Variants in PUS7 observed in about 807,000 individuals in gnomAD.
PUS7 encodes the protein pseudouridylate synthase 7 homolog.
PUS7 carries 48 observed loss-of-function variants against 79.8 expected under a neutral mutation model. The ratio of observed to expected loss-of-function variants is 0.60; its 90% CI spans 0.48 to 0.76. The LOEUF (loss-of-function observed/expected upper bound fraction) is 0.76, where lower values mean the gene tolerates loss of function less well. PUS7 is among the 30% of genes least tolerant of loss of function. PUS7 has a pLI of 0.00. For missense variants in PUS7, 729 were observed against 797.6 expected (o/e 0.91, Z 1.04); for synonymous variants, 286 against 272.2 (o/e 1.05, Z -0.50).
intron 1 of PUS7, among the ~76,000 whole-genome samples, chr7:105,515,443 G>A (rs55922564): frequency 0.14 from 20,902 of 152,030 alleles, 1,863 homozygotes; most frequent in South Asian, 0.26. Flanking sequence ...AGATTCTGAC[G>A]TTTTTGATTA....
intron 9 of PUS7, among the ~76,000 whole-genome samples, chr7:105,475,352 AT>A (rs767351215): frequency 6.6e-6 from 1 of 151,346 alleles, no homozygotes; most frequent in Non-Finnish European, 1.5e-5. Flanking sequence ...CGCCTGGCTA[AT>A]TTTTTATATT....
intron 13 of PUS7, among the ~76,000 whole-genome samples, chr7:105,463,367 G>A (rs897089130): frequency 1.3e-5 from 2 of 152,150 alleles, no homozygotes; most frequent in Non-Finnish European, 2.9e-5. Context: ...TGGATTAACT[G>A]TCTTCTTCCA....
chr7:105,517,705 G>A (rs1825950060), intron 1 of PUS7, among the ~76,000 whole-genome samples: 1 of 152,146 alleles, frequency 6.6e-6, no homozygotes, highest in Admixed American at 6.6e-5. Context: ...TAAGGCTGCA[G>A]TAAGTTATGA....
Position 105,506,283 on chromosome 7 carries a change from G to A in PUS7, c.399-10C>T. On this transcript the variant is annotated splice_polypyrimidine_tract_variant and intron_variant, in intron 2 of 15. Coordinates refer to ENST00000469408, the MANE Select transcript of PUS7 (RefSeq NM_019042.5). ...AACGAAGTCGGAGTATCTGATGAAA[G>A]AAAACATGAACTTTCAGATAATTAA... is the stretch of plus-strand genomic sequence containing the variant. 1 of 1,580,168 alleles carries A rather than the reference G, an allele frequency of 6.3e-7. No individual in the cohort carries two copies. Among genetic ancestry groups the A allele is most frequent in the Non-Finnish European group, 8.7e-7 (1 of 1,153,876 alleles).
chr7:105,469,996 A>G lies in PUS7; in HGVS notation c.1398+692T>C, dbSNP rs562908014. 6.2e-4 allele frequency among the ~76,000 whole-genome samples: 95 copies of G among 152,322 alleles called. 1 individual carries two copies. The highest frequency in any genetic ancestry group is 2.2e-3 in the African/African-American group (90 of 41,586). On this transcript the variant is annotated intron_variant, in intron 11 of 15. Transcript: ENST00000469408. Reference sequence around the variant, plus strand: ...TGCAGGTTGGACAAGCCTGCCTTACATCAATGGCACAGTCTTCAAACTTAA... The same window carrying G: ...TGCAGGTTGGACAAGCCTGCCTTACGTCAATGGCACAGTCTTCAAACTTAA...
chr7:105,516,190 C>A (rs746784287), intron 1 of PUS7, among the ~76,000 whole-genome samples: 1 of 152,086 alleles, frequency 6.6e-6, no homozygotes, highest in African/African-American at 2.4e-5. Context: ...AGTGATCCAC[C>A]CACATTGGCC....
intron 14 of PUS7, among the ~76,000 whole-genome samples, chr7:105,460,593 G>A (rs967844063): frequency 6.6e-6 from 1 of 151,970 alleles, no homozygotes; most frequent in Non-Finnish European, 1.5e-5. Flanking sequence ...GGTGGCTCAC[G>A]CCTGTAATCC....
intron 7 of PUS7, among the ~76,000 whole-genome samples, chr7:105,489,147 C>CAAAAA (rs762504334): frequency 0.057 from 1,895 of 33,288 alleles, 60 homozygotes; most frequent in Non-Finnish European, 0.089. Context: ...AACTCCATCT[C>CAAAAA]AAAAAAAAAA....
chr7:105,493,231 C>T (rs1248239099), intron 6 of PUS7, among the ~76,000 whole-genome samples: 2 of 152,170 alleles, frequency 1.3e-5, no homozygotes, highest in African/African-American at 4.8e-5. Context: ...AATGCTAAAA[C>T]TGGGATCTGA....
At chr7:105,488,976 A>G (rs894463436) in intron 7 of PUS7, among the ~76,000 whole-genome samples, 19 of 151,856 alleles carry the variant, frequency 1.3e-4, no homozygotes, top group African/African-American at 3.1e-4. Context: ...GTGAAACCCC[A>G]TCTCTACTAA....
At chr7:105,520,733 T>C (rs1826076974) in intron 1 of PUS7, among the ~76,000 whole-genome samples, 1 of 149,022 alleles carries the variant, frequency 6.7e-6, no homozygotes, top group Non-Finnish European at 1.5e-5. Flanking sequence ...AAAAAATAAA[T>C]CAAAAAACAA....
chr7:105,482,419 G>A lies in PUS7; in HGVS notation c.942C>T (p.Ala314=), dbSNP rs562100610. The A allele has an allele frequency of 8.7e-6, 14 of 1,609,946 alleles. No homozygotes were observed. The highest frequency in any genetic ancestry group is 6.6e-5 in the South Asian group (6 of 90,792). ...AGTTCATCAAGCACTTATTCAGGTG[G>A]GCAAGTCTTTGTGCAGTTATTCTTT... The part of the protein sequence containing the change: ...AVLKITAQRL[A]HLNKCLMNFK... Residue 314 remains alanine, a synonymous_variant, in exon 8 of 16, where the codon GCC becomes GCT. Coordinates refer to ENST00000469408, the MANE Select transcript of PUS7 (RefSeq NM_019042.5).
At chr7:105,463,079 G>A (rs1823499784) in intron 13 of PUS7, among the ~76,000 whole-genome samples, 1 of 152,148 alleles carries the variant, frequency 6.6e-6, no homozygotes, top group Non-Finnish European at 1.5e-5. Flanking sequence ...GCTGAGAGTT[G>A]GAAGACAGCA....
chr7:105,462,407 G>A (rs1365445293), intron 14 of PUS7: 2 of 493,436 alleles, frequency 4.1e-6, no homozygotes, highest in Non-Finnish European at 7.0e-6. Context: ...GCTCCAGCCT[G>A]GGTGACTAGT....
intron 1 of PUS7, among the ~76,000 whole-genome samples, chr7:105,521,408 G>T (rs1392114846): frequency 8.8e-6 from 1 of 114,050 alleles, no homozygotes; most frequent in African/African-American, 2.6e-5. Flanking sequence ...ATTTCAGCTT[G>T]CACAGCAGCA....
chr7:105,518,038 C>T (rs1825961086), intron 1 of PUS7, among the ~76,000 whole-genome samples: 2 of 152,104 alleles, frequency 1.3e-5, no homozygotes, highest in Admixed American at 6.5e-5. Context: ...ATCCCAGCTA[C>T]TCAGGAGGCT....
At chr7:105,498,540 A>C (rs1415190992) in intron 5 of PUS7, among the ~76,000 whole-genome samples, 1 of 152,190 alleles carries the variant, frequency 6.6e-6, no homozygotes, top group African/African-American at 2.4e-5. Context: ...AAGTTCAGGA[A>C]GTTTGATTTA....
intron 1 of PUS7, among the ~76,000 whole-genome samples, chr7:105,519,328 C>A (rs778150238): frequency 2.6e-5 from 4 of 151,380 alleles, no homozygotes; most frequent in Non-Finnish European, 5.9e-5. Flanking sequence ...CCACTTCCAG[C>A]GTTCCGGCGA....
At chr7:105,500,950 T>C (rs1263783080) in intron 5 of PUS7, among the ~76,000 whole-genome samples, 6 of 152,216 alleles carry the variant, frequency 3.9e-5, no homozygotes, top group African/African-American at 1.4e-4. Context: ...CCCAAGCAGT[T>C]CCAGGACACA....
Sources: allele counts gnomAD v4.1 joint callset (sites outside exome capture counted in the v4.1 genomes callset), GRCh38; gene constraint gnomAD v4.1.1; transcripts MANE v1.5; gene names NCBI Gene and HGNC (gene_info 2026-07-23, HGNC 2026-07-21).